The following ARHGAP10 variants were observed in gnomAD, a reference collection of about 807,000 sequenced individuals.
ARHGAP10 encodes Rho GTPase activating protein 10, also known as rho GTPase-activating protein 10.
Under a neutral mutation model 108.6 loss-of-function variants are expected in ARHGAP10, and 87 were observed. The observed-to-expected ratio is 0.80, with a 90% CI of 0.67 to 0.96. ARHGAP10 has a LOEUF of 0.96. Ranked by LOEUF, ARHGAP10 falls within the 40% of genes least tolerant of loss-of-function variation. ARHGAP10 has a pLI of 0.00. For missense variants in ARHGAP10, 939 were observed against 954.5 expected (o/e 0.98, Z 0.21); for synonymous variants, 347 against 341.1 (o/e 1.02, Z -0.19).
chr4:147,901,994 T>C (rs1736269952), intron 10 of ARHGAP10, among the ~76,000 whole-genome samples: 1 of 152,206 alleles, frequency 6.6e-6, no homozygotes, highest in South Asian at 2.1e-4. Flanking sequence ...TATGTAAGTA[T>C]ATTAGGTCCT....
At chr4:147,837,138 A>G (rs565496639) in intron 3 of ARHGAP10, among the ~76,000 whole-genome samples, 2 of 152,228 alleles carry the variant, frequency 1.3e-5, no homozygotes, top group East Asian at 3.9e-4. Context: ...TTTCTATTTA[A>G]ACTTGAGCCT....
chr4:147,999,508 G>A (rs1295460696), intron 18 of ARHGAP10, among the ~76,000 whole-genome samples: 1 of 152,212 alleles, frequency 6.6e-6, no homozygotes, highest in Non-Finnish European at 1.5e-5. Flanking sequence ...CAGGGTGTCT[G>A]CTGTGCTCCT....
chr4:147,984,705 C>A (rs946186360), intron 18 of ARHGAP10, among the ~76,000 whole-genome samples: 1 of 152,190 alleles, frequency 6.6e-6, no homozygotes, highest in African/African-American at 2.4e-5. Flanking sequence ...GTGCTTATGT[C>A]TGATTTCTTA....
intron 10 of ARHGAP10, among the ~76,000 whole-genome samples, chr4:147,882,884 T>C (rs1369830256): frequency 6.6e-6 from 1 of 152,230 alleles, no homozygotes; most frequent in Non-Finnish European, 1.5e-5. Context: ...TGGCTGACAG[T>C]ACAGTGATTC....
At chr4:147,873,805 G>A (rs1734946757) in intron 7 of ARHGAP10, among the ~76,000 whole-genome samples, 1 of 150,310 alleles carries the variant, frequency 6.7e-6, no homozygotes, top group African/African-American at 2.4e-5. Context: ...AGTTCAGGAG[G>A]TTGAGGCTGT....
intron 22 of ARHGAP10, among the ~76,000 whole-genome samples, chr4:148,068,122 G>A (rs745895133): frequency 2.6e-5 from 4 of 152,212 alleles, no homozygotes; most frequent in African/African-American, 4.8e-5. Flanking sequence ...CCACCAGCCA[G>A]TCCTGCTGTG....
intron 1 of ARHGAP10, among the ~76,000 whole-genome samples, chr4:147,734,921 A>G (rs956839267): frequency 4.6e-5 from 7 of 152,198 alleles, no homozygotes; most frequent in African/African-American, 1.7e-4. Context: ...TTTTACAAAA[A>G]TGACCTTTTG....
At chr4:148,064,322 A>G (rs1729760062) in intron 21 of ARHGAP10, 94 bp from the exon 22 acceptor site, 1 of 977,218 alleles carries the variant, frequency 1.0e-6, no homozygotes, top group Non-Finnish European at 1.6e-6. Flanking sequence ...TACTGGTGAC[A>G]TCAGTGAGAT....
intron 1 of ARHGAP10, among the ~76,000 whole-genome samples, chr4:147,818,105 T>C (rs1732326281): frequency 6.6e-6 from 1 of 152,022 alleles, no homozygotes; most frequent in African/African-American, 2.4e-5. Context: ...TAAAGAGGTC[T>C]GTGACTTGAC....
chr4:148,051,474 G>A lies in ARHGAP10; in HGVS notation c.2027+4423G>A, dbSNP rs537448390. Among the ~76,000 whole-genome samples the A allele has an allele frequency of 1.5e-3, 225 of 152,250 alleles. 1 individual carries two copies. Among genetic ancestry groups the A allele is most frequent in the African/African-American group, 5.2e-3 (217 of 41,530 alleles). On this transcript the variant is annotated intron_variant, in intron 20 of 22. Coordinates refer to ENST00000336498, the MANE Select transcript of ARHGAP10 (RefSeq NM_024605.4). ...GAAAATCTCTTTTAAGAAATATCGG[G>A]CATTGCTATCTGCTTCCTCTACAGA... is the stretch of plus-strand genomic sequence containing the variant.
chr4:147,871,560 G>T (rs1476597464), intron 7 of ARHGAP10, among the ~76,000 whole-genome samples: 2 of 152,114 alleles, frequency 1.3e-5, no homozygotes, highest in Admixed American at 6.5e-5. Flanking sequence ...AGAAAACAAG[G>T]CAGCAGTGAT....
intron 9 of ARHGAP10, among the ~76,000 whole-genome samples, chr4:147,881,268 C>CAA (rs58379522): frequency 8.4e-5 from 11 of 131,454 alleles, no homozygotes; most frequent in African/African-American, 2.5e-4. Flanking sequence ...GCAAGACTGT[C>CAA]AAAAAAAAAA....
chr4:147,947,862 A>G (rs1738445392), intron 15 of ARHGAP10, among the ~76,000 whole-genome samples: 1 of 151,892 alleles, frequency 6.6e-6, no homozygotes, highest in South Asian at 2.1e-4. Context: ...AGTGTAATGA[A>G]CCCTCATGGC....
At chr4:147,969,741 T>G (rs1739336298) in intron 18 of ARHGAP10, among the ~76,000 whole-genome samples, 2 of 152,194 alleles carry the variant, frequency 1.3e-5, no homozygotes, top group African/African-American at 4.8e-5. Flanking sequence ...TCCAGTAGCG[T>G]CGGCAAGCCT....
chr4:147,962,752 C>T (rs2126993442), intron 16 of ARHGAP10, among the ~76,000 whole-genome samples: 1 of 152,274 alleles, frequency 6.6e-6, no homozygotes, highest in Admixed American at 6.5e-5. Flanking sequence ...CAACCTCCGC[C>T]TCCTGGGTTC....
intron 1 of ARHGAP10, among the ~76,000 whole-genome samples, chr4:147,766,799 C>CATATAT (rs57572532): frequency 2.8e-4 from 35 of 126,424 alleles, no homozygotes; most frequent in African/African-American, 7.7e-4. Flanking sequence ...CATATATTCA[C>CATATAT]ATATATATAT....
chr4:147,891,973 C>G (rs911821521), intron 10 of ARHGAP10, among the ~76,000 whole-genome samples: 2 of 152,100 alleles, frequency 1.3e-5, no homozygotes, highest in Non-Finnish European at 2.9e-5. Flanking sequence ...CACACATTTG[C>G]TTGATAAATA....
chr4:147,837,558 C>T (rs1169062790), intron 3 of ARHGAP10, among the ~76,000 whole-genome samples: 1 of 151,334 alleles, frequency 6.6e-6, no homozygotes, highest in Non-Finnish European at 1.5e-5. Flanking sequence ...GCACCAAGAG[C>T]CTCACTGCCC....
intron 3 of ARHGAP10, among the ~76,000 whole-genome samples, chr4:147,838,075 C>A (rs927630634): frequency 6.6e-6 from 1 of 151,988 alleles, no homozygotes; most frequent in Non-Finnish European, 1.5e-5. Flanking sequence ...ATTTTAGAAA[C>A]ATTTTCTGCA....
Sources: gnomAD v4.1 joint callset for allele counts (sites outside exome capture counted in the v4.1 genomes callset) on GRCh38, gnomAD v4.1.1 for gene constraint, MANE v1.5 for transcripts, NCBI Gene and HGNC (gene_info 2026-07-23, HGNC 2026-07-21) for gene names.